The following CHST11 variants were observed in gnomAD, a reference collection of about 807,000 sequenced individuals.
The protein encoded by CHST11 is C4S-1.
CHST11 carries 9 observed loss-of-function variants against 30.4 expected under a neutral mutation model. That is an observed-to-expected ratio of 0.30 (90% CI 0.18 to 0.52). CHST11 has a LOEUF of 0.52. Ranked by LOEUF, CHST11 falls within the 20% of genes least tolerant of loss-of-function variation. CHST11 has a pLI of 0.97. For missense variants in CHST11, 348 were observed against 460.6 expected, an observed-to-expected ratio of 0.76 and a Z score of 2.24; for synonymous variants, 152 against 187.8, an observed-to-expected ratio of 0.81 and a Z score of 1.56.
At chr12:104,585,757 A>G (rs746868359) in intron 1 of CHST11, among the ~76,000 whole-genome samples, 4 of 152,222 alleles carry the variant, frequency 2.6e-5, no homozygotes, top group Non-Finnish European at 5.9e-5. Context: ...GGGAGACCAG[A>G]GGTCCAAAAT....
intron 1 of CHST11, among the ~76,000 whole-genome samples, chr12:104,473,358 A>T (rs2037528772): frequency 6.6e-6 from 1 of 152,160 alleles, no homozygotes; most frequent in Non-Finnish European, 1.5e-5. Context: ...TCAGTTGCTA[A>T]TGGTGCCCTA....
chr12:104,644,952 G>A (rs1470251059), intron 2 of CHST11, among the ~76,000 whole-genome samples: 2 of 152,052 alleles, frequency 1.3e-5, no homozygotes, highest in African/African-American at 4.8e-5. Flanking sequence ...CACTTTTTTT[G>A]TTTTGTTTTG....
chr12:104,502,854 A>C (rs1004292087), intron 1 of CHST11, among the ~76,000 whole-genome samples: 3 of 152,236 alleles, frequency 2.0e-5, no homozygotes, highest in Non-Finnish European at 2.9e-5. Context: ...CTACTGAGTC[A>C]GCAAGAAAAG....
At chr12:104,463,872 A>T (rs1317450567) in intron 1 of CHST11, among the ~76,000 whole-genome samples, 2 of 152,166 alleles carry the variant, frequency 1.3e-5, no homozygotes, top group Non-Finnish European at 2.9e-5. Context: ...TGCCCAGAGC[A>T]GAGGGACGGA....
intron 2 of CHST11, among the ~76,000 whole-genome samples, chr12:104,686,109 C>T (rs1272607981): frequency 4.6e-5 from 7 of 151,764 alleles, no homozygotes; most frequent in Non-Finnish European, 8.8e-5. Context: ...GGTGCATACC[C>T]GTAGTCCTAG....
chr12:104,700,176 C>T (rs555747957), intron 2 of CHST11, among the ~76,000 whole-genome samples: 1 of 152,308 alleles, frequency 6.6e-6, no homozygotes, highest in South Asian at 2.1e-4. Flanking sequence ...ATGTCTTATT[C>T]TTCCAACTAA....
At chr12:104,748,536 TG>T (rs2040405870) in intron 2 of CHST11, among the ~76,000 whole-genome samples, 1 of 90,440 alleles carries the variant, frequency 1.1e-5, no homozygotes, top group Admixed American at 1.1e-4. Context: ...GCATGCCCGG[TG>T]GGGGCTGGAG....
At chr12:104,466,395 T>C (rs1247084309) in intron 1 of CHST11, among the ~76,000 whole-genome samples, 1 of 152,224 alleles carries the variant, frequency 6.6e-6, no homozygotes, top group Non-Finnish European at 1.5e-5. Flanking sequence ...TCTGGAACTA[T>C]TGAGTTCAAG....
chr12:104,707,696 A>G (rs1484898167), intron 2 of CHST11, among the ~76,000 whole-genome samples: 2 of 152,254 alleles, frequency 1.3e-5, no homozygotes, highest in East Asian at 3.8e-4. Flanking sequence ...TAGGGGACCC[A>G]GTCTCCTAAA....
chr12:104,529,198 C>A (rs1319540866), intron 1 of CHST11, among the ~76,000 whole-genome samples: 1 of 152,228 alleles, frequency 6.6e-6, no homozygotes, highest in Admixed American at 6.5e-5. Flanking sequence ...TGCCTACTTA[C>A]TCTTTGCTGG....
At position 104,759,132 on chromosome 12, in the gene CHST11, T is replaced by G. The variant is rs987928282; in HGVS notation, c.*1329T>G. The G allele has an allele frequency of 6.6e-6, 1 of 152,088 alleles. No individual in the cohort carries two copies. The highest frequency in any genetic ancestry group is 1.5e-5 in the Non-Finnish European group (1 of 68,016). The allele number at this position is 152,088 out of a possible 1,614,324, so 9.4% of individuals were successfully genotyped here. A position where few individuals can be genotyped will look rare whatever the true frequency, so the allele number is the denominator to read the frequency against. ...TCGTACACTTGGGGATTTGCAATGGTTTTTACCCCTCATGAAGGTCAGAGG... is the reference window on the plus strand; with the variant it reads ...TCGTACACTTGGGGATTTGCAATGGGTTTTACCCCTCATGAAGGTCAGAGG... On this transcript the variant is annotated 3_prime_UTR_variant, in exon 3 of 3. Transcript: ENST00000303694.
At chr12:104,658,764 T>C (rs1319550336) in intron 2 of CHST11, among the ~76,000 whole-genome samples, 1 of 152,232 alleles carries the variant, frequency 6.6e-6, no homozygotes, top group Admixed American at 6.5e-5. Context: ...CCTTAGTAGT[T>C]GCTTCTTAGG....
At chr12:104,482,928 A>T (rs925102705) in intron 1 of CHST11, among the ~76,000 whole-genome samples, 1 of 152,154 alleles carries the variant, frequency 6.6e-6, no homozygotes, top group Admixed American at 6.5e-5. Context: ...GTTCTCATAG[A>T]CTTGGCCCGG....
intron 2 of CHST11, among the ~76,000 whole-genome samples, chr12:104,632,816 C>T (rs2039283514): frequency 1.3e-5 from 2 of 152,216 alleles, no homozygotes; most frequent in Non-Finnish European, 2.9e-5. Flanking sequence ...CGGGAGGAGC[C>T]CACAGACACC....
rs905355601 is a variant in CHST11 at position 104,638,549 on chromosome 12, C to T, written c.204+36558C>T. ...CACTACTCTCATGATAAAGGGTGTACGTGGGGGTGATTTGGGTAGTGGGCA... is the reference window on the plus strand; with the variant it reads ...CACTACTCTCATGATAAAGGGTGTATGTGGGGGTGATTTGGGTAGTGGGCA... On this transcript the variant is annotated intron_variant, in intron 2 of 2. Coordinates refer to ENST00000303694, the MANE Select transcript of CHST11 (RefSeq NM_018413.6). Among the ~76,000 whole-genome samples the T allele has an allele frequency of 4.6e-5, 7 of 152,188 alleles. 1 individual carries two copies. In the South Asian group the frequency reaches 6.2e-4, roughly 14 times the overall value.
At chr12:104,529,586 A>G (rs994211429) in intron 1 of CHST11, among the ~76,000 whole-genome samples, 10 of 152,236 alleles carry the variant, frequency 6.6e-5, no homozygotes, top group African/African-American at 2.4e-4. Flanking sequence ...CACAATGATC[A>G]GAGACCCAGC....
chr12:104,515,240 C>T (rs1013870060), intron 1 of CHST11, among the ~76,000 whole-genome samples: 6 of 152,178 alleles, frequency 3.9e-5, no homozygotes, highest in Non-Finnish European at 8.8e-5. Flanking sequence ...CCCTTGTTGG[C>T]GTACTTTCTG....
chr12:104,688,893 G>A (rs1012155718), intron 2 of CHST11, among the ~76,000 whole-genome samples: 4 of 152,218 alleles, frequency 2.6e-5, no homozygotes. Context: ...GGTTGAGGCA[G>A]GAGGATGGCT....
At chr12:104,704,605 G>T (rs140924678) in intron 2 of CHST11, among the ~76,000 whole-genome samples, 29 of 152,242 alleles carry the variant, frequency 1.9e-4, no homozygotes, top group African/African-American at 6.5e-4. Context: ...GAAGGCCATG[G>T]CCCAAGTCTT....
Sources: gnomAD v4.1 joint callset for allele counts (sites outside exome capture counted in the v4.1 genomes callset) on GRCh38, gnomAD v4.1.1 for gene constraint, MANE v1.5 for transcripts, NCBI Gene and HGNC (gene_info 2026-07-23, HGNC 2026-07-21) for gene names.